The following SLMAP variants were observed in gnomAD, a reference collection of about 807,000 sequenced individuals.
SLMAP encodes sarcolemma associated protein.
A neutral mutation model predicts 128.8 loss-of-function variants in SLMAP; 44 were observed. The observed-to-expected ratio is 0.34, with a 90% CI of 0.27 to 0.44. SLMAP has a LOEUF of 0.44. Among genes scored for constraint, SLMAP ranks in the 20% least tolerant of loss-of-function variants. The pLI, the probability that SLMAP is intolerant of heterozygous loss-of-function variation, is 1.00. For missense variants in SLMAP, 787 were observed against 985.3 expected, an observed-to-expected ratio of 0.80 and a Z score of 2.69; for synonymous variants, 327 against 348.8, an observed-to-expected ratio of 0.94 and a Z score of 0.70.
chr3:57,781,741 T>C (rs1486747937), intron 2 of SLMAP, among the ~76,000 whole-genome samples: 2 of 148,128 alleles, frequency 1.4e-5, no homozygotes, highest in Non-Finnish European at 3.0e-5. Context: ...TTTTTTTTTT[T>C]TTTTTTTTTG....
chr3:57,921,861 A>G (rs909104988), intron 22 of SLMAP, among the ~76,000 whole-genome samples: 4 of 151,956 alleles, frequency 2.6e-5, no homozygotes, highest in African/African-American at 9.7e-5. Flanking sequence ...ATGCACAACC[A>G]TGCCTGGCTA....
chr3:57,813,289 T>C (rs1157396447), intron 2 of SLMAP, among the ~76,000 whole-genome samples: 3 of 152,066 alleles, frequency 2.0e-5, no homozygotes, highest in Non-Finnish European at 1.5e-5. Context: ...AGAGATGGGG[T>C]TTCACCATGT....
intron 4 of SLMAP, among the ~76,000 whole-genome samples, chr3:57,843,699 C>CT (rs1168021955): frequency 7.0e-6 from 1 of 141,876 alleles, no homozygotes; most frequent in East Asian, 2.2e-4. Flanking sequence ...GCCTTCCTTC[C>CT]TTCCTTTTCT....
At chr3:57,869,645 T>TATATATATATATATA (rs1553900441) in intron 13 of SLMAP, among the ~76,000 whole-genome samples, 22 of 134,178 alleles carry the variant, frequency 1.6e-4, no homozygotes, top group African/African-American at 5.8e-4. Context: ...TATATATATA[T>TATATATATATATATA]ATATATATAT....
chr3:57,826,186 T>C (rs2092915593), intron 2 of SLMAP, among the ~76,000 whole-genome samples: 1 of 152,232 alleles, frequency 6.6e-6, no homozygotes, highest in African/African-American at 2.4e-5. Flanking sequence ...TCTTTTGAGT[T>C]ATTTCACCTT....
chr3:57,853,115 A>G (rs1042305061), intron 6 of SLMAP, among the ~76,000 whole-genome samples: 1 of 152,236 alleles, frequency 6.6e-6, no homozygotes, highest in Non-Finnish European at 1.5e-5. Context: ...AGTAGATTCT[A>G]AAGATATGGT....
At chr3:57,912,928 T>C (rs778173972) in intron 20 of SLMAP, among the ~76,000 whole-genome samples, 3 of 152,208 alleles carry the variant, frequency 2.0e-5, no homozygotes, top group Non-Finnish European at 2.9e-5. Context: ...AAAAATTGCT[T>C]GTCTTATAAA....
chr3:57,854,495 G>C (rs2153587269), intron 6 of SLMAP, among the ~76,000 whole-genome samples: 1 of 152,236 alleles, frequency 6.6e-6, no homozygotes, highest in East Asian at 1.9e-4. Flanking sequence ...CTGCTCAGAA[G>C]GCTGAGGCAT....
At chr3:57,898,900 T>C (rs529287886) in intron 17 of SLMAP, 1 of 152,164 alleles carries the variant, frequency 6.6e-6, no homozygotes, top group Non-Finnish European at 1.5e-5. Context: ...GAAAACCAAC[T>C]TTATAGGTTT....
At chr3:57,927,050 T>G (rs1462873663) in intron 24 of SLMAP, among the ~76,000 whole-genome samples, 2 of 152,194 alleles carry the variant, frequency 1.3e-5, no homozygotes, top group Non-Finnish European at 2.9e-5. Context: ...GTAACAAAGT[T>G]GAAAACTTCC....
At chr3:57,817,084 CTT>C (rs1015817959) in intron 2 of SLMAP, among the ~76,000 whole-genome samples, 1 of 152,140 alleles carries the variant, frequency 6.6e-6, no homozygotes, top group Non-Finnish European at 1.5e-5. Flanking sequence ...GGTCAACAGT[CTT>C]TTTATAAAGT....
At chr3:57,826,773 T>C (rs1164291358) in intron 2 of SLMAP, among the ~76,000 whole-genome samples, 1 of 152,166 alleles carries the variant, frequency 6.6e-6, no homozygotes, top group African/African-American at 2.4e-5. Context: ...CATTTCCAGC[T>C]TTTCTTCAGT....
intron 17 of SLMAP, among the ~76,000 whole-genome samples, chr3:57,907,214 A>G (rs2096591180): frequency 6.6e-6 from 1 of 151,816 alleles, no homozygotes; most frequent in Admixed American, 6.6e-5. Context: ...TTTTTAGTAG[A>G]GACGGGGTTT....
intron 18 of SLMAP, 104 bp downstream of exon 18, chr3:57,908,110 C>T: frequency 9.6e-7 from 1 of 1,041,234 alleles, no homozygotes; most frequent in South Asian, 1.6e-5. Context: ...AGATTCACAA[C>T]TTTATGAGAT....
chr3:57,765,737 TACTTG>T (rs1378889667), intron 2 of SLMAP, among the ~76,000 whole-genome samples: 1 of 152,222 alleles, frequency 6.6e-6, no homozygotes, highest in Non-Finnish European at 1.5e-5. Context: ...GAAAGTCTTT[TACTTG>T]ACAAGTTGTA....
intron 13 of SLMAP, among the ~76,000 whole-genome samples, chr3:57,866,515 T>C (rs2095308107): frequency 6.6e-6 from 1 of 152,196 alleles, no homozygotes; most frequent in African/African-American, 2.4e-5. Context: ...TTTGAAACTC[T>C]CAAGAAAAAT....
At chr3:57,869,662 T>TATATATATA (rs1560338689) in intron 13 of SLMAP, among the ~76,000 whole-genome samples, 37 of 113,350 alleles carry the variant, frequency 3.3e-4, no homozygotes, top group African/African-American at 1.0e-3. Context: ...ATATATATAA[T>TATATATATA]ATATATAAAC....
intron 19 of SLMAP, among the ~76,000 whole-genome samples, chr3:57,910,755 T>G (rs2096674484): frequency 6.6e-6 from 1 of 152,182 alleles, no homozygotes; most frequent in African/African-American, 2.4e-5. Context: ...TTTGCCTTCT[T>G]GTCAAAGAAG....
intron 6 of SLMAP, among the ~76,000 whole-genome samples, chr3:57,853,976 TATATATATATATATATATATA>T (rs2094623333): frequency 9.8e-6 from 1 of 102,464 alleles, no homozygotes; most frequent in South Asian, 2.8e-4. Context: ...TATATATATA[TATATATATATATATATATATA>T]TATTTACATA....
Sources: gnomAD v4.1 joint callset for allele counts (sites outside exome capture counted in the v4.1 genomes callset) on GRCh38, gnomAD v4.1.1 for gene constraint, MANE v1.5 for transcripts, NCBI Gene and HGNC (gene_info 2026-07-23, HGNC 2026-07-21) for gene names.